HDAC9: variants seen among roughly 807,000 people sequenced by gnomAD.
HDAC9 encodes histone deacetylase 9.
Under a neutral mutation model 139.4 loss-of-function variants are expected in HDAC9, and 41 were observed. The ratio of observed to expected loss-of-function variants is 0.29; its 90% CI spans 0.23 to 0.38. The LOEUF (loss-of-function observed/expected upper bound fraction) is 0.38, where lower values mean the gene tolerates loss of function less well. Among genes scored for constraint, HDAC9 ranks in the 10% least tolerant of loss-of-function variants. The pLI, the probability that HDAC9 is intolerant of heterozygous loss-of-function variation, is 1.00. For missense variants in HDAC9, 1,147 were observed against 1,297.0 expected (o/e 0.88, Z 1.78); for synonymous variants, 517 against 476.2 (o/e 1.09, Z -1.12).
intron 17 of HDAC9, among the ~76,000 whole-genome samples, chr7:18,810,375 TA>T: frequency 6.6e-6 from 1 of 151,998 alleles, no homozygotes; most frequent in Non-Finnish European, 1.5e-5. Context: ...TTCTGGGAGT[TA>T]GTATGTGGGC....
At chr7:18,549,044 C>A (rs967982731) in intron 2 of HDAC9, among the ~76,000 whole-genome samples, 1 of 152,082 alleles carries the variant, frequency 6.6e-6, no homozygotes, top group African/African-American at 2.4e-5. Context: ...TCGAGACTAT[C>A]CTGACCAATA....
intron 1 of HDAC9, among the ~76,000 whole-genome samples, chr7:18,128,295 C>T (rs1287540250): frequency 1.3e-5 from 2 of 152,068 alleles, no homozygotes; most frequent in African/African-American, 4.8e-5. Flanking sequence ...TTTCAGACCA[C>T]TAAGCAGGAA....
At chr7:18,349,960 A>G (rs1480332700) in intron 1 of HDAC9, among the ~76,000 whole-genome samples, 2 of 152,138 alleles carry the variant, frequency 1.3e-5, no homozygotes, top group Non-Finnish European at 2.9e-5. Flanking sequence ...CTACTTGCTG[A>G]CAGAATACTT....
intron 12 of HDAC9, among the ~76,000 whole-genome samples, chr7:18,673,931 G>A (rs954844236): frequency 6.6e-6 from 1 of 152,020 alleles, no homozygotes; most frequent in African/African-American, 2.4e-5. Flanking sequence ...ACCAATATTA[G>A]TTGTAAGGAG....
chr7:18,131,997 TCA>T (rs1305322830), intron 1 of HDAC9, among the ~76,000 whole-genome samples: 3 of 152,190 alleles, frequency 2.0e-5, no homozygotes, highest in Non-Finnish European at 4.4e-5. Flanking sequence ...TTATGGAGAA[TCA>T]CTGCTTGTTC....
intron 24 of HDAC9, among the ~76,000 whole-genome samples, chr7:18,954,984 T>G (rs1031303815): frequency 1.3e-5 from 2 of 152,068 alleles, no homozygotes; most frequent in Non-Finnish European, 2.9e-5. Context: ...AATTACCCAT[T>G]TATTTGATAC....
intron 1 of HDAC9, among the ~76,000 whole-genome samples, chr7:18,411,578 T>C (rs1039307741): frequency 1.1e-4 from 17 of 152,140 alleles, no homozygotes; most frequent in African/African-American, 3.6e-4. Flanking sequence ...GGTTTCACCA[T>C]GTTAGCCAAG....
chr7:18,133,932 G>GCA (rs112343375), intron 1 of HDAC9, among the ~76,000 whole-genome samples: 4,429 of 145,816 alleles, frequency 0.03, 96 homozygotes, highest in African/African-American at 0.065. Context: ...ATACACGCGT[G>GCA]CACACACACA....
In HDAC9 at chr7:18,167,682, G is replaced by T. The variant is rs527485084; in HGVS notation, c.25+5333G>T. Among the ~76,000 whole-genome samples, 236 of 152,274 alleles carry T rather than the reference G, an allele frequency of 1.5e-3. 1 individual carries two copies. The highest frequency in any genetic ancestry group is 5.2e-3 in the African/African-American group (215 of 41,548). ...CTGGTGGGAGGGAAATTGAAGAGGTGCATTGAGTGTGAGAGGTTTCCAAAG... is the reference window on the plus strand; with the variant it reads ...CTGGTGGGAGGGAAATTGAAGAGGTTCATTGAGTGTGAGAGGTTTCCAAAG... On this transcript the variant is annotated intron_variant, in intron 2 of 12. Coordinates refer to the HDAC9 transcript ENST00000417496.
chr7:18,292,278 A>G (rs1474610639), intron 1 of HDAC9, among the ~76,000 whole-genome samples: 1 of 152,090 alleles, frequency 6.6e-6, no homozygotes, highest in Non-Finnish European at 1.5e-5. Flanking sequence ...TAAGCTACTT[A>G]CCCAGCTCAT....
At chr7:18,845,651 G>C (rs137909281) in intron 21 of HDAC9, among the ~76,000 whole-genome samples, 1 of 152,030 alleles carries the variant, frequency 6.6e-6, no homozygotes, top group African/African-American at 2.4e-5. Flanking sequence ...TGGTCTCATA[G>C]TTCTTTTTCA....
intron 1 of HDAC9, among the ~76,000 whole-genome samples, chr7:18,139,489 T>C (rs1000267934): frequency 1.3e-5 from 2 of 152,172 alleles, no homozygotes; most frequent in South Asian, 2.1e-4. Flanking sequence ...GCTTTACTTA[T>C]AATCTATACA....
At chr7:18,470,063 C>T (rs1794606543) in intron 1 of HDAC9, among the ~76,000 whole-genome samples, 1 of 152,090 alleles carries the variant, frequency 6.6e-6, no homozygotes, top group Non-Finnish European at 1.5e-5. Context: ...CAGGGCCAGG[C>T]ATGGTGGCTC....
chr7:18,992,224 G>C (rs573257382), intron 25 of HDAC9, among the ~76,000 whole-genome samples: 15 of 152,314 alleles, frequency 9.8e-5, no homozygotes, highest in Middle Eastern at 6.8e-3. Flanking sequence ...TTTATTCATG[G>C]TGAATAGAGA....
intron 1 of HDAC9, among the ~76,000 whole-genome samples, chr7:18,104,724 A>G (rs1033536675): frequency 9.2e-5 from 14 of 151,920 alleles, no homozygotes; most frequent in Non-Finnish European, 1.8e-4. Flanking sequence ...TTGGGACCCT[A>G]TTTAATTCAC....
chr7:18,092,221 A>G (rs1481089547), intron 1 of HDAC9, among the ~76,000 whole-genome samples: 4 of 152,086 alleles, frequency 2.6e-5, no homozygotes, highest in Admixed American at 2.0e-4. Flanking sequence ...CCCTGTTGCT[A>G]CAAAAAAATG....
chr7:18,775,013 T>G (rs921542105), intron 16 of HDAC9, among the ~76,000 whole-genome samples: 3 of 152,032 alleles, frequency 2.0e-5, no homozygotes, highest in Non-Finnish European at 4.4e-5. Flanking sequence ...TATTAACTTG[T>G]CTAATTTCAA....
intron 1 of HDAC9, among the ~76,000 whole-genome samples, chr7:18,352,698 G>A (rs1473307340): frequency 1.3e-5 from 2 of 151,892 alleles, no homozygotes; most frequent in Admixed American, 6.6e-5. Flanking sequence ...GGAAAATGAC[G>A]GGAAATAGGA....
intron 24 of HDAC9, among the ~76,000 whole-genome samples, chr7:18,965,100 C>G (rs1347225216): frequency 6.6e-6 from 1 of 152,126 alleles, no homozygotes; most frequent in Non-Finnish European, 1.5e-5. Flanking sequence ...GCACTCACAG[C>G]TCCGTATCCA....
Sources: allele counts gnomAD v4.1 joint callset (sites outside exome capture counted in the v4.1 genomes callset), GRCh38; gene constraint gnomAD v4.1.1; transcripts MANE v1.5; gene names NCBI Gene and HGNC (gene_info 2026-07-23, HGNC 2026-07-21).